TENM4: variants seen among roughly 807,000 people sequenced by gnomAD.
TENM4 encodes teneurin transmembrane protein 4.
TENM4 carries 82 observed loss-of-function variants against 243.3 expected under a neutral mutation model. That is an observed-to-expected ratio of 0.34 (90% CI 0.28 to 0.40). TENM4 has a LOEUF of 0.40. TENM4 is among the 10% of genes least tolerant of loss of function. The pLI, the probability that TENM4 is intolerant of heterozygous loss-of-function variation, is 1.00. For missense variants in TENM4, 3,138 were observed against 3,673.3 expected (o/e 0.85, Z 3.77); for synonymous variants, 1,412 against 1,456.3 (o/e 0.97, Z 0.69).
At chr11:78,933,393 T>A (rs1234566933) in intron 6 of TENM4, among the ~76,000 whole-genome samples, 5 of 152,180 alleles carry the variant, frequency 3.3e-5, no homozygotes, top group South Asian at 4.1e-4. Context: ...AAACTCAACA[T>A]ATTATTATTA....
rs192909722 is a variant in TENM4, at chr11:79,121,982, C to A, written c.-66+26728G>T. On this transcript the variant is annotated intron_variant, in intron 4 of 33. Transcript: ENST00000278550. ...TAAGAATAGATTGATGTTGTCCAAA[C>A]CTTTTATCATAGGATAACCACTTTT... Among the ~76,000 whole-genome samples the A allele has an allele frequency of 3.7e-3, 564 of 152,272 alleles. 3 individuals are homozygous for A. Among genetic ancestry groups the A allele is most frequent in the Non-Finnish European group, 4.4e-3 (301 of 68,028 alleles).
intron 3 of TENM4, among the ~76,000 whole-genome samples, chr11:79,152,120 T>C (rs1862522852): frequency 6.6e-6 from 1 of 152,142 alleles, no homozygotes; most frequent in African/African-American, 2.4e-5. Context: ...AATTGAGGAC[T>C]AGAAAAGAAA....
At chr11:79,041,172 T>A (rs1859516798) in intron 6 of TENM4, among the ~76,000 whole-genome samples, 1 of 152,080 alleles carries the variant, frequency 6.6e-6, no homozygotes, top group Non-Finnish European at 1.5e-5. Context: ...CAAGTGATTC[T>A]CCTGCCTTAG....
chr11:78,722,193 T>C (rs1855400653), intron 24 of TENM4, among the ~76,000 whole-genome samples: 1 of 152,162 alleles, frequency 6.6e-6, no homozygotes, highest in Admixed American at 6.5e-5. Context: ...TAAATTATTT[T>C]TTTGCAGATG....
intron 6 of TENM4, among the ~76,000 whole-genome samples, chr11:78,950,242 C>A (rs1018823961): frequency 6.6e-6 from 1 of 152,160 alleles, no homozygotes; most frequent in African/African-American, 2.4e-5. Flanking sequence ...ACACAGGGCC[C>A]AATAGAGGCA....
In TENM4 at chr11:78,763,695, T is replaced by A. The variant is rs377562564; in HGVS notation, c.2540-6674A>T. Among the ~76,000 whole-genome samples, 12 of 152,328 alleles carry A rather than the reference T, an allele frequency of 7.9e-5. No individual in the cohort carries two copies. The East Asian group carries it at 2.3e-3, about 29-fold the overall frequency. On this transcript the variant is annotated intron_variant, in intron 18 of 33. Coordinates refer to ENST00000278550, the MANE Select transcript of TENM4 (RefSeq NM_001098816.3). ...GCCTGAAGACCTAGCCTCTCCCCTG[T>A]ATCTGCCCCTCTCTGGCCATGAGAC...
chr11:78,760,075 C>A (rs567928208), intron 18 of TENM4, among the ~76,000 whole-genome samples: 1 of 152,206 alleles, frequency 6.6e-6, no homozygotes, highest in African/African-American at 2.4e-5. Flanking sequence ...CGTCCCCTGA[C>A]CCCCATACTC....
intron 1 of TENM4, among the ~76,000 whole-genome samples, chr11:79,378,771 T>C (rs916442244): frequency 2.0e-5 from 3 of 151,276 alleles, no homozygotes; most frequent in African/African-American, 7.3e-5. Flanking sequence ...TTGTCCCAGA[T>C]ACTCAGGAGG....
intron 1 of TENM4, among the ~76,000 whole-genome samples, chr11:79,392,175 G>C (rs1398172865): frequency 6.6e-6 from 1 of 152,172 alleles, no homozygotes; most frequent in Non-Finnish European, 1.5e-5. Flanking sequence ...GATGGAGCTG[G>C]GTCTCAGAGC....
intron 3 of TENM4, among the ~76,000 whole-genome samples, chr11:79,213,248 C>G (rs1590799172): frequency 6.6e-6 from 1 of 152,092 alleles, no homozygotes; most frequent in South Asian, 2.1e-4. Context: ...CAATATGGAA[C>G]CTGTTCAATG....
chr11:78,917,501 T>A (rs1384422822), intron 6 of TENM4, among the ~76,000 whole-genome samples: 1 of 152,212 alleles, frequency 6.6e-6, no homozygotes, highest in East Asian at 1.9e-4. Context: ...TATTTTTATT[T>A]TTTTTATATC....
chr11:79,392,602 G>A (rs1858258357), intron 1 of TENM4, among the ~76,000 whole-genome samples: 1 of 152,324 alleles, frequency 6.6e-6, no homozygotes, highest in East Asian at 1.9e-4. Flanking sequence ...TGGGCTGCCT[G>A]GGCCCTGCCC....
intron 1 of TENM4, among the ~76,000 whole-genome samples, chr11:79,413,537 CT>C (rs1418998249): frequency 6.6e-6 from 1 of 152,230 alleles, no homozygotes; most frequent in Admixed American, 6.5e-5. Context: ...CGGCCAGCCC[CT>C]AACAGCTGCC....
chr11:79,174,390 A>G (rs1863115255), intron 3 of TENM4, among the ~76,000 whole-genome samples: 1 of 151,776 alleles, frequency 6.6e-6, no homozygotes, highest in Admixed American at 6.6e-5. Context: ...TTTCCTCACT[A>G]TCTTTAATTT....
chr11:79,062,437 T>G (rs1480909566), intron 6 of TENM4, among the ~76,000 whole-genome samples: 1 of 152,216 alleles, frequency 6.6e-6, no homozygotes, highest in Non-Finnish European at 1.5e-5. Flanking sequence ...CCAGATGCTC[T>G]GAGAATAAAA....
intron 6 of TENM4, among the ~76,000 whole-genome samples, chr11:78,982,998 CG>C (rs1428727820): frequency 6.6e-6 from 1 of 152,200 alleles, no homozygotes; most frequent in Non-Finnish European, 1.5e-5. Context: ...TGACCTTTCC[CG>C]AGGCACTTGG....
chr11:79,110,432 G>A (rs1364100529), intron 4 of TENM4, among the ~76,000 whole-genome samples: 3 of 152,202 alleles, frequency 2.0e-5, no homozygotes, highest in Admixed American at 2.0e-4. Flanking sequence ...GGGCACTGCA[G>A]GTGGACAGCT....
chr11:79,133,266 T>C (rs1268689388), intron 4 of TENM4, among the ~76,000 whole-genome samples: 1 of 152,120 alleles, frequency 6.6e-6, no homozygotes, highest in Non-Finnish European at 1.5e-5. Context: ...ATAAATAAAT[T>C]CCTGGAAAAA....
chr11:79,198,880 G>A (rs926091736), intron 3 of TENM4, among the ~76,000 whole-genome samples: 3 of 152,172 alleles, frequency 2.0e-5, no homozygotes, highest in Non-Finnish European at 4.4e-5. Context: ...AGAGGGGGCT[G>A]ACCTGATCTG....
Sources: allele counts gnomAD v4.1 joint callset (sites outside exome capture counted in the v4.1 genomes callset), GRCh38; gene constraint gnomAD v4.1.1; transcripts MANE v1.5; gene names NCBI Gene and HGNC (gene_info 2026-07-23, HGNC 2026-07-21).